The following GRAMD1B variants were observed in gnomAD, a reference collection of about 807,000 sequenced individuals.
GRAMD1B encodes protein Aster-B.
Under a neutral mutation model 99.7 loss-of-function variants are expected in GRAMD1B, and 37 were observed. That is an observed-to-expected ratio of 0.37 (90% CI 0.29 to 0.49). The LOEUF is 0.49. GRAMD1B is among the 20% of genes least tolerant of loss of function. GRAMD1B has a pLI of 0.98. For missense variants in GRAMD1B, 888 were observed against 1,009.2 expected (o/e 0.88, Z 1.63); for synonymous variants, 427 against 387.6 (o/e 1.10, Z -1.19).
chr11:123,582,255 T>C (rs1148121), intron 3 of GRAMD1B, among the ~76,000 whole-genome samples: 22,696 of 152,234 alleles, frequency 0.15, 1,778 homozygotes, highest in East Asian at 0.24. Flanking sequence ...GAGCCATCCC[T>C]AGGCGCAGAC....
chr11:123,506,137 C>G (rs1436357951), intron 2 of GRAMD1B, among the ~76,000 whole-genome samples: 2 of 152,226 alleles, frequency 1.3e-5, no homozygotes, highest in Non-Finnish European at 2.9e-5. Context: ...GGGCGCAGCA[C>G]TGCCCCTCAC....
At chr11:123,576,483 C>A (rs529679767) in intron 2 of GRAMD1B, among the ~76,000 whole-genome samples, 2 of 152,366 alleles carry the variant, frequency 1.3e-5, no homozygotes, top group East Asian at 3.9e-4. Flanking sequence ...GTTTCTCTCT[C>A]CCTTCTGTCT....
intron 1 of GRAMD1B, among the ~76,000 whole-genome samples, chr11:123,380,418 A>G (rs751318006): frequency 1.3e-5 from 2 of 152,238 alleles, no homozygotes; most frequent in Non-Finnish European, 2.9e-5. Context: ...AGATTAGAGG[A>G]AAAAGAGTTT....
chr11:123,589,001 A>G (rs116161224), intron 4 of GRAMD1B, among the ~76,000 whole-genome samples: 3,888 of 152,072 alleles, frequency 0.026, 140 homozygotes, highest in African/African-American at 0.083. Context: ...ATAATTTTAT[A>G]TAATATTTTA....
chr11:123,390,250 ATAT>A (rs1180330105), intron 1 of GRAMD1B, among the ~76,000 whole-genome samples: 4 of 152,072 alleles, frequency 2.6e-5, no homozygotes, highest in African/African-American at 9.7e-5. Flanking sequence ...CCCAAACATG[ATAT>A]TAAGTGGAAG....
chr11:123,361,814 G>A (rs1055904898), intron 1 of GRAMD1B, among the ~76,000 whole-genome samples: 12 of 152,286 alleles, frequency 7.9e-5, no homozygotes, highest in South Asian at 2.1e-4. Flanking sequence ...ATGAATGGAC[G>A]TTGCCAATAA....
At position 123,596,245 on chromosome 11, in the gene GRAMD1B, C is replaced by T. The variant is rs1013903997; in HGVS notation, c.969+208C>T. ...GAGGATAGAGTGGCCAAACATTGGA[C>T]CTGGAGCCAGAATACCTGAATTTGA... is the stretch of plus-strand genomic sequence containing the variant. On this transcript the variant is annotated intron_variant, in intron 7 of 19. Coordinates refer to ENST00000635736, the MANE Select transcript of GRAMD1B (RefSeq NM_001387025.1). Among the ~76,000 whole-genome samples the T allele has an allele frequency of 2.6e-5, 4 of 152,172 alleles. 1 individual carries two copies. The South Asian group carries it at 8.3e-4, about 31-fold the overall frequency.
chr11:123,610,388 G>C lies in GRAMD1B; in HGVS notation c.1919+50G>C. ...CGGTCAGACGGGGGTCCTTACCTTA[G>C]AGAACATTCATTTGCTCCTGACGGG... On this transcript the variant is annotated intron_variant, in intron 14 of 19. Transcript: ENST00000635736. This position sits in a 1 kb window ranked among gnomAD's most constrained non-coding sequence, Gnocchi z 4.1. 1 of 1,583,080 alleles carries C rather than the reference G, an allele frequency of 6.3e-7. No individual in the cohort carries two copies. Among genetic ancestry groups the C allele is most frequent in the Non-Finnish European group, 8.7e-7 (1 of 1,153,056 alleles).
At chr11:123,583,609 A>G (rs905787831) in intron 3 of GRAMD1B, among the ~76,000 whole-genome samples, 2 of 152,132 alleles carry the variant, frequency 1.3e-5, no homozygotes, top group Non-Finnish European at 2.9e-5. Context: ...AGACACATTC[A>G]GGTCCCCTTC....
At chr11:123,570,517 G>T (rs188030721) in intron 2 of GRAMD1B, among the ~76,000 whole-genome samples, 1 of 147,012 alleles carries the variant, frequency 6.8e-6, no homozygotes, top group African/African-American at 2.5e-5. Flanking sequence ...TCCACCTCCT[G>T]GGTTCAACTG....
intron 1 of GRAMD1B, among the ~76,000 whole-genome samples, chr11:123,415,228 G>T (rs567110007): frequency 6.7e-6 from 1 of 148,936 alleles, no homozygotes; most frequent in African/African-American, 2.5e-5. Context: ...TTAGCTTCCC[G>T]AGTAGCTGGG....
chr11:123,465,109 C>T (rs17127395), intron 1 of GRAMD1B, among the ~76,000 whole-genome samples: 43,984 of 151,742 alleles, frequency 0.29, 6,594 homozygotes, highest in Admixed American at 0.38. Context: ...GCTTTTTGTC[C>T]GAGCCATGGA....
rs533295941 is a variant in GRAMD1B at position 123,422,092 on chromosome 11, C to T, written c.-175-58724C>T. On this transcript the variant is annotated intron_variant, in intron 1 of 20. Coordinates refer to the GRAMD1B transcript ENST00000638157. ...ATCTCAATTTCAGAGTATTAAAATG[C>T]CATGTAGTCACTGGTTTGAGGCAAA... Among the ~76,000 whole-genome samples the T allele has an allele frequency of 4.6e-5, 7 of 152,204 alleles. No homozygotes were observed. The East Asian group carries it at 9.6e-4, about 21-fold the overall frequency.
rs1183795042 is a variant in GRAMD1B, at chr11:123,510,652, G to C, written c.452+29759G>C. The stretch of plus-strand genomic sequence containing the variant: ...CTCTGGATGGTGCCGCTGCTCCTTA[G>C]GCCAAGCAGAGATCATGGAGCCGGC... On this transcript the variant is annotated intron_variant, in intron 2 of 19. Transcript: ENST00000635736. This position sits in a 1 kb window ranked among gnomAD's most constrained non-coding sequence, Gnocchi z 4.3. 6.6e-6 allele frequency among the ~76,000 whole-genome samples: 1 copy of C among 152,202 alleles called. No individual in the cohort carries two copies. The highest frequency in any genetic ancestry group is 1.5e-5 in the Non-Finnish European group (1 of 68,040).
rs113174852 is a variant in GRAMD1B at position 123,614,881 on chromosome 11, T to G, written c.2318+46T>G. On this transcript the variant is annotated intron_variant, in intron 17 of 19. Coordinates refer to ENST00000635736, the MANE Select transcript of GRAMD1B (RefSeq NM_001387025.1). The stretch of plus-strand genomic sequence containing the variant: ...CTATCCTGCCCTCACCACCTTCCCT[T>G]TCCAGCCTGGTGCCCCAGCCCTCGT... The G allele has an allele frequency of 7.0e-6, 8 of 1,136,806 alleles. No individual in the cohort carries two copies. The African/African-American group carries it at 1.1e-4, about 15-fold the overall frequency. The allele number at this position is 1,136,806 out of a possible 1,614,324, so 70.4% of individuals were successfully genotyped here.
At chr11:123,471,425 T>C (rs1359464318) in intron 1 of GRAMD1B, among the ~76,000 whole-genome samples, 1 of 152,080 alleles carries the variant, frequency 6.6e-6, no homozygotes, top group Non-Finnish European at 1.5e-5. Context: ...TTTAAATGAG[T>C]GTCTGAATGA....
At chr11:123,609,543 T>C (rs1028805717) in intron 12 of GRAMD1B, among the ~76,000 whole-genome samples, 2 of 152,220 alleles carry the variant, frequency 1.3e-5, no homozygotes, top group Non-Finnish European at 2.9e-5. Flanking sequence ...CAAGACCTCC[T>C]GTCCCAGCCC....
chr11:123,508,472 A>C (rs1164631687), intron 2 of GRAMD1B, among the ~76,000 whole-genome samples: 5 of 152,218 alleles, frequency 3.3e-5, no homozygotes, highest in African/African-American at 1.2e-4. Context: ...TCAAACTATA[A>C]TAGAAATGCA....
intron 3 of GRAMD1B, chr11:123,578,286 T>G: frequency 1.3e-6 from 1 of 768,986 alleles, no homozygotes; most frequent in Non-Finnish European, 2.2e-6. Flanking sequence ...TGGGAAGGGG[T>G]TGGGGACCCC....
Sources: gnomAD v4.1 joint callset for allele counts (sites outside exome capture counted in the v4.1 genomes callset) on GRCh38, gnomAD v4.1.1 for gene constraint, Gnocchi (gnomAD v3.1) non-coding constraint, MANE v1.5 for transcripts, NCBI Gene and HGNC (gene_info 2026-07-23, HGNC 2026-07-21) for gene names.